Variants in PDE1A observed in about 807,000 individuals in gnomAD.
The protein encoded by PDE1A is dual specificity calcium/calmodulin-dependent 3',5'-cyclic nucleotide phosphodiesterase 1A.
PDE1A carries 35 observed loss-of-function variants against 61.7 expected under a neutral mutation model. The observed-to-expected ratio is 0.57, with a 90% CI of 0.43 to 0.75. The LOEUF (loss-of-function observed/expected upper bound fraction) is 0.75, where lower values mean the gene tolerates loss of function less well. Ranked by LOEUF, PDE1A falls within the 30% of genes least tolerant of loss-of-function variation. The pLI is 0.00. For synonymous variants in PDE1A, 232 were observed against 213.2 expected (o/e 1.09, Z -0.77); for missense variants, 597 against 630.6 (o/e 0.95, Z 0.57).
chr2:182,497,600 G>A (rs1432094619), intron 2 of PDE1A, among the ~76,000 whole-genome samples: 1 of 152,044 alleles, frequency 6.6e-6, no homozygotes, highest in Non-Finnish European at 1.5e-5. Flanking sequence ...TGGCCCCAAC[G>A]TTTTTCCTCA....
intron 2 of PDE1A, among the ~76,000 whole-genome samples, chr2:182,472,081 A>T (rs1343344482): frequency 6.6e-6 from 1 of 151,802 alleles, no homozygotes; most frequent in Non-Finnish European, 1.5e-5. Context: ...GGATGTGGAA[A>T]GAAAGGAACT....
At chr2:182,609,533 AC>A in the PDE1A span, among the ~76,000 whole-genome samples, 2 of 152,166 alleles carry the variant, frequency 1.3e-5, no homozygotes, top group African/African-American at 4.8e-5. Context: ...AAGACCACGA[AC>A]CCACCAGGAG....
At chr2:182,199,908 T>G (rs1286857008) in intron 10 of PDE1A, among the ~76,000 whole-genome samples, 1 of 152,108 alleles carries the variant, frequency 6.6e-6, no homozygotes, top group Admixed American at 6.5e-5. Context: ...TAGTAATATA[T>G]TTGGTGTTTA....
chr2:182,532,425 C>G, the PDE1A span, among the ~76,000 whole-genome samples: 1 of 152,020 alleles, frequency 6.6e-6, no homozygotes, highest in South Asian at 2.1e-4. Context: ...AAAAGCCAGA[C>G]ACAAGAGATC....
intron 1 of PDE1A, among the ~76,000 whole-genome samples, chr2:182,281,413 G>A (rs780063644): frequency 3.3e-5 from 5 of 151,870 alleles, no homozygotes; most frequent in Non-Finnish European, 5.9e-5. Flanking sequence ...TGGAGCAAAT[G>A]GTCATGCAAC....
intron 1 of PDE1A, among the ~76,000 whole-genome samples, chr2:182,365,607 T>A (rs1699792193): frequency 6.6e-6 from 1 of 151,994 alleles, no homozygotes; most frequent in Non-Finnish European, 1.5e-5. Flanking sequence ...CTTTCCTTAT[T>A]TCTATTCATC....
chr2:182,602,992 C>CACACACATACATACATACAT, the PDE1A span, among the ~76,000 whole-genome samples: 512 of 130,476 alleles, frequency 3.9e-3, 2 homozygotes, highest in African/African-American at 5.2e-3. Context: ...CACACACACA[C>CACACACATACATACATACAT]ACATACATAC....
chr2:182,209,371 T>A (rs1687385442), intron 7 of PDE1A, among the ~76,000 whole-genome samples: 1 of 151,974 alleles, frequency 6.6e-6, no homozygotes, highest in Non-Finnish European at 1.5e-5. Context: ...TATCTCCCAC[T>A]GGGTCTCTCC....
chr2:182,714,720 G>A, the PDE1A span, among the ~76,000 whole-genome samples: 4 of 151,846 alleles, frequency 2.6e-5, no homozygotes, highest in Admixed American at 6.6e-5. Flanking sequence ...CACCATGCCC[G>A]GCTTATTTTT....
the PDE1A span, among the ~76,000 whole-genome samples, chr2:182,646,233 A>C: frequency 2.0e-5 from 3 of 151,896 alleles, no homozygotes; most frequent in African/African-American, 7.3e-5. Flanking sequence ...AGATCACCTG[A>C]GGCCAGGAGT....
chr2:182,330,215 G>A (rs558386427), intron 1 of PDE1A, among the ~76,000 whole-genome samples: 13 of 151,900 alleles, frequency 8.6e-5, no homozygotes, highest in East Asian at 2.0e-4. Flanking sequence ...ATGGTGGCGC[G>A]AGCCTGTAAT....
At chr2:182,357,423 A>G (rs920418165) in intron 1 of PDE1A, among the ~76,000 whole-genome samples, 4 of 152,228 alleles carry the variant, frequency 2.6e-5, no homozygotes, top group Admixed American at 1.3e-4. Flanking sequence ...AGTCTTCCTA[A>G]TGTATAGGGA....
At chr2:182,388,840 A>G (rs1701265152) in intron 1 of PDE1A, among the ~76,000 whole-genome samples, 1 of 152,022 alleles carries the variant, frequency 6.6e-6, no homozygotes, top group Non-Finnish European at 1.5e-5. Flanking sequence ...GAAAAAATAG[A>G]AAAGTTAACA....
At chr2:182,352,813 T>A (rs1279157361) in intron 1 of PDE1A, among the ~76,000 whole-genome samples, 1 of 151,926 alleles carries the variant, frequency 6.6e-6, no homozygotes, top group Non-Finnish European at 1.5e-5. Context: ...TTGCATTCAA[T>A]TAAGCAGTGA....
At chr2:182,446,798 T>A (rs761230663) in intron 2 of PDE1A, among the ~76,000 whole-genome samples, 8 of 152,012 alleles carry the variant, frequency 5.3e-5, no homozygotes, top group Admixed American at 1.3e-4. Flanking sequence ...CTGCTTTGAT[T>A]AGAATCCCAG....
At chr2:182,547,103 T>C in the PDE1A span, among the ~76,000 whole-genome samples, 1 of 152,202 alleles carries the variant, frequency 6.6e-6, no homozygotes, top group African/African-American at 2.4e-5. Flanking sequence ...TTAGTGATTA[T>C]TAGGGGTAAA....
chr2:182,355,862 C>T (rs1183005630), intron 1 of PDE1A, among the ~76,000 whole-genome samples: 1 of 152,144 alleles, frequency 6.6e-6, no homozygotes, highest in South Asian at 2.1e-4. Context: ...AAATGACTCT[C>T]TCCTTTAAAA....
At chr2:182,421,084 T>C (rs1703247320) in intron 1 of PDE1A, among the ~76,000 whole-genome samples, 1 of 152,160 alleles carries the variant, frequency 6.6e-6, no homozygotes, top group Non-Finnish European at 1.5e-5. Flanking sequence ...TCAGTATGAC[T>C]GTTTCTTCTT....
chr2:182,435,022 C>T (rs1704140353), intron 2 of PDE1A, among the ~76,000 whole-genome samples: 1 of 152,000 alleles, frequency 6.6e-6, no homozygotes, highest in Non-Finnish European at 1.5e-5. Context: ...CTCTTTGTCA[C>T]TGAAGTGTAG....
Sources: gnomAD v4.1 joint callset for allele counts (sites outside exome capture counted in the v4.1 genomes callset) on GRCh38, gnomAD v4.1.1 for gene constraint, MANE v1.5 for transcripts, NCBI Gene and HGNC (gene_info 2026-07-23, HGNC 2026-07-21) for gene names.